The following MAST2 variants were observed in gnomAD, a reference collection of about 807,000 sequenced individuals.
The protein encoded by MAST2 is microtubule associated serine/threonine kinase 2.
A neutral mutation model predicts 147.4 loss-of-function variants in MAST2; 70 were observed. That is an observed-to-expected ratio of 0.47 (90% CI 0.39 to 0.58). The LOEUF is 0.58. Among genes scored for constraint, MAST2 ranks in the 20% least tolerant of loss-of-function variants. The pLI, the probability that MAST2 is intolerant of heterozygous loss-of-function variation, is 0.00. For missense variants in MAST2, 2,080 were observed against 2,302.3 expected (o/e 0.90, Z 1.98); for synonymous variants, 869 against 896.8 (o/e 0.97, Z 0.55).
intron 3 of MAST2, among the ~76,000 whole-genome samples, chr1:45,860,400 AAT>A (rs1301662211): frequency 3.8e-4 from 48 of 126,966 alleles, no homozygotes; most frequent in African/African-American, 1.4e-3. Flanking sequence ...AAAAAAAAAA[AAT>A]TTATGTGAAG....
Position 46,035,588 on chromosome 1 carries a change from C to T in MAST2, c.4919C>T (p.Thr1640Ile). The T allele has an allele frequency of 3.1e-6, 5 of 1,613,812 alleles. No homozygotes were observed. The highest frequency in any genetic ancestry group is 4.2e-6 in the Non-Finnish European group (5 of 1,180,020). The change falls in exon 29 of 29, where the codon ACC (threonine) becomes ATC (isoleucine). Residue 1640 changes from threonine (T) to isoleucine (I), a missense_variant. Thr to Ile is a moderately conservative substitution (Grantham distance 89). Coordinates refer to ENST00000361297, the MANE Select transcript of MAST2 (RefSeq NM_015112.3). The surrounding 1 kb of genome is among the most constrained non-coding windows in gnomAD (Gnocchi z 5.5). Reference sequence around the variant, plus strand: ...CCCAGCACTTCGGGACTCACCCCCACCAGCAGTTGCTCTCCTCCCAGCTCC... The same window carrying T: ...CCCAGCACTTCGGGACTCACCCCCATCAGCAGTTGCTCTCCTCCCAGCTCC... ...LSPSTSGLTPTSSCSPPSSTS... is the reference protein window; with the variant it reads ...LSPSTSGLTPISSCSPPSSTS...
intron 3 of MAST2, among the ~76,000 whole-genome samples, chr1:45,848,894 C>T (rs991475699): frequency 9.9e-5 from 15 of 152,068 alleles, no homozygotes; most frequent in South Asian, 2.1e-4. Context: ...TTCAGGACAC[C>T]AAATTAACAT....
chr1:45,856,589 CT>C (rs910107284), intron 3 of MAST2, among the ~76,000 whole-genome samples: 1 of 152,072 alleles, frequency 6.6e-6, no homozygotes, highest in Non-Finnish European at 1.5e-5. Context: ...TTTGGTTTGG[CT>C]TGCTTCTGTA....
intron 4 of MAST2, chr1:45,917,585 GGTA>G (rs1386517316): frequency 6.1e-6 from 8 of 1,301,520 alleles, no homozygotes; most frequent in Non-Finnish European, 8.3e-6. Context: ...CTGGCCAAAT[GGTA>G]AAACGCATAC....
At chr1:45,994,907 C>T (rs554495822) in intron 5 of MAST2, among the ~76,000 whole-genome samples, 2 of 151,284 alleles carry the variant, frequency 1.3e-5, no homozygotes, top group East Asian at 1.9e-4. Context: ...GGCACTGTCT[C>T]GGCTCACTGC....
At chr1:45,840,100 A>G (rs1645228327) in intron 3 of MAST2, among the ~76,000 whole-genome samples, 1 of 152,228 alleles carries the variant, frequency 6.6e-6, no homozygotes, top group Admixed American at 6.5e-5. Flanking sequence ...ATAAAAGGAA[A>G]AAAATTGGCT....
chr1:45,856,640 T>G (rs1280683845), intron 3 of MAST2, among the ~76,000 whole-genome samples: 1 of 152,224 alleles, frequency 6.6e-6, no homozygotes, highest in African/African-American at 2.4e-5. Context: ...GATACCATTA[T>G]CTAATTGGTT....
chr1:46,029,400 C>T (rs1646544943), intron 18 of MAST2, 66 bp from the exon 19 acceptor site: 1 of 1,352,404 alleles, frequency 7.4e-7, no homozygotes, highest in South Asian at 1.3e-5. Flanking sequence ...TGTTCTGGGA[C>T]CCTCTTCTGC....
intron 5 of MAST2, among the ~76,000 whole-genome samples, chr1:45,987,487 T>G (rs955693133): frequency 6.6e-5 from 10 of 152,124 alleles, no homozygotes; most frequent in African/African-American, 2.2e-4. Flanking sequence ...AATTTTTAAA[T>G]TCTTTGTAGA....
intron 4 of MAST2, among the ~76,000 whole-genome samples, chr1:45,907,016 T>C (rs10732844): frequency 0.34 from 51,679 of 152,016 alleles, 9,192 homozygotes; most frequent in African/African-American, 0.44. Flanking sequence ...CTGGAAGCAG[T>C]CTATAGGCTA....
chr1:45,941,915 C>A (rs1265169174), intron 4 of MAST2, among the ~76,000 whole-genome samples: 3 of 152,170 alleles, frequency 2.0e-5, no homozygotes, highest in Non-Finnish European at 4.4e-5. Flanking sequence ...GTAATACATT[C>A]GCTACTAGAA....
intron 5 of MAST2, among the ~76,000 whole-genome samples, chr1:45,986,542 C>A (rs914494834): frequency 3.3e-5 from 5 of 151,948 alleles, no homozygotes; most frequent in African/African-American, 1.2e-4. Flanking sequence ...CACAGTGAAA[C>A]CCCGTCTCTA....
chr1:45,970,667 CAAAAAAA>C (rs754544108), intron 5 of MAST2, among the ~76,000 whole-genome samples: 6 of 72,400 alleles, frequency 8.3e-5, no homozygotes, highest in African/African-American at 1.8e-4. Context: ...GACTCTGTCT[CAAAAAAA>C]AAAAAAAAAA....
chr1:45,934,188 G>T (rs569549770), intron 4 of MAST2, among the ~76,000 whole-genome samples: 1 of 152,030 alleles, frequency 6.6e-6, no homozygotes, highest in Non-Finnish European at 1.5e-5. Flanking sequence ...TTCTGTTCCT[G>T]CATTAATTCA....
At chr1:45,934,358 T>G (rs1416618720) in intron 4 of MAST2, among the ~76,000 whole-genome samples, 1 of 152,074 alleles carries the variant, frequency 6.6e-6, no homozygotes, top group Non-Finnish European at 1.5e-5. Context: ...TGGTGGCAGG[T>G]GCCTGTATTT....
At chr1:46,021,924 C>G (rs1408570452) in intron 11 of MAST2, 26 bp from the exon 12 acceptor site, 2 of 1,612,854 alleles carry the variant, frequency 1.2e-6, no homozygotes, top group Non-Finnish European at 1.7e-6. Flanking sequence ...TCTGTCACCA[C>G]TGACTATCTC....
At chr1:45,869,137 G>A (rs147948959) in intron 3 of MAST2, among the ~76,000 whole-genome samples, 26 of 152,066 alleles carry the variant, frequency 1.7e-4, no homozygotes, top group African/African-American at 4.6e-4. Context: ...ATTCCTGAGT[G>A]GTTTTATCCT....
At chr1:45,872,913 A>G (rs7540699) in intron 3 of MAST2, among the ~76,000 whole-genome samples, 67,708 of 152,086 alleles carry the variant, frequency 0.45, 15,280 homozygotes, top group East Asian at 0.62. Flanking sequence ...ATATAGTTTA[A>G]TATCTTTTAT....
At chr1:45,867,669 C>A (rs1009767399) in intron 3 of MAST2, among the ~76,000 whole-genome samples, 2 of 152,124 alleles carry the variant, frequency 1.3e-5, no homozygotes, top group Non-Finnish European at 2.9e-5. Context: ...GGGGTGATAG[C>A]AGTGGACGAT....
Sources: gnomAD v4.1 joint callset for allele counts (sites outside exome capture counted in the v4.1 genomes callset) on GRCh38, gnomAD v4.1.1 for gene constraint, Gnocchi (gnomAD v3.1) non-coding constraint, MANE v1.5 for transcripts, NCBI Gene and HGNC (gene_info 2026-07-23, HGNC 2026-07-21) for gene names.